Variants in EFNA5 observed in about 807,000 individuals in gnomAD.
EFNA5 encodes ephrin A5.
Under a neutral mutation model 22.9 loss-of-function variants are expected in EFNA5, and 5 were observed. That is an observed-to-expected ratio of 0.22 (90% CI 0.11 to 0.46). The LOEUF (loss-of-function observed/expected upper bound fraction) is 0.46. Among genes scored for constraint, EFNA5 ranks in the 20% least tolerant of loss-of-function variants. The probability of loss-of-function intolerance (pLI) is 0.99; values close to 1 mark genes in which losing one functional copy is unlikely to be tolerated. For synonymous variants in EFNA5, 113 were observed against 112.2 expected, an observed-to-expected ratio of 1.01 and a Z score of -0.04; for missense variants, 237 against 293.3, an observed-to-expected ratio of 0.81 and a Z score of 1.40.
At chr5:107,394,627 T>C (rs1747873632) in intron 2 of EFNA5, among the ~76,000 whole-genome samples, 1 of 152,136 alleles carries the variant, frequency 6.6e-6, no homozygotes, top group South Asian at 2.1e-4. Flanking sequence ...GCACCACCCA[T>C]CCTACCCACT....
intron 2 of EFNA5, among the ~76,000 whole-genome samples, chr5:107,406,127 GAATGTATACAAATACAT>G: frequency 7.1e-6 from 1 of 140,734 alleles, no homozygotes; most frequent in Non-Finnish European, 1.5e-5. Context: ...TATATACATA[GAATGTATACAAATACAT>G]GTATTTGTAT....
At chr5:107,590,670 G>C (rs1749303362) in intron 1 of EFNA5, among the ~76,000 whole-genome samples, 2 of 152,112 alleles carry the variant, frequency 1.3e-5, no homozygotes, top group South Asian at 4.1e-4. Flanking sequence ...TAGGATTACA[G>C]GAGTGAGCCA....
At chr5:107,592,021 ATATATAT>A (rs1261583318) in intron 1 of EFNA5, among the ~76,000 whole-genome samples, 1,718 of 50,614 alleles carry the variant, frequency 0.034, 138 homozygotes, top group Non-Finnish European at 0.044. Context: ...ATATAATATA[ATATATAT>A]TATATATTAT....
rs78787433 is a variant in EFNA5 at position 107,643,653 on chromosome 5, C to T, written c.125+26836G>A. Among the ~76,000 whole-genome samples, 684 of 149,976 alleles carry T rather than the reference C, an allele frequency of 4.6e-3. 5 individuals carry two copies. The highest frequency in any genetic ancestry group is 7.7e-3 in the Non-Finnish European group (523 of 67,704). The stretch of plus-strand genomic sequence containing the variant: ...GCCACTAAAAGATCTCCAGCTGGTA[C>T]CATTTATGAAGTAAGCTTGACGAGA... On this transcript the variant is annotated intron_variant, in intron 1 of 4. Coordinates refer to ENST00000333274, the MANE Select transcript of EFNA5 (RefSeq NM_001962.3).
intron 1 of EFNA5, among the ~76,000 whole-genome samples, chr5:107,658,856 C>T (rs894797804): frequency 2.6e-5 from 4 of 152,102 alleles, no homozygotes; most frequent in Admixed American, 2.6e-4. Flanking sequence ...GAAACAGTGA[C>T]CTAGAAATTA....
At chr5:107,511,623 A>G (rs1025622400) in intron 1 of EFNA5, among the ~76,000 whole-genome samples, 2 of 152,174 alleles carry the variant, frequency 1.3e-5, no homozygotes, top group African/African-American at 4.8e-5. Context: ...TTCCAACCTG[A>G]AGCTTTTTTA....
At chr5:107,475,690 G>T (rs1166651917) in intron 1 of EFNA5, among the ~76,000 whole-genome samples, 1 of 152,044 alleles carries the variant, frequency 6.6e-6, no homozygotes, top group African/African-American at 2.4e-5. Context: ...TTCTTACCCT[G>T]CATAAGACTT....
chr5:107,513,946 G>T (rs1209821983), intron 1 of EFNA5, among the ~76,000 whole-genome samples: 2 of 152,186 alleles, frequency 1.3e-5, no homozygotes, highest in African/African-American at 2.4e-5. Flanking sequence ...TCGCACAGGT[G>T]TTGGTGCTGG....
At chr5:107,480,804 A>C (rs1750437959) in intron 1 of EFNA5, among the ~76,000 whole-genome samples, 1 of 152,196 alleles carries the variant, frequency 6.6e-6, no homozygotes, top group South Asian at 2.1e-4. Flanking sequence ...ACTGGGAGTG[A>C]AGGCAAGTGG....
chr5:107,664,180 C>A (rs1751023603), intron 1 of EFNA5, among the ~76,000 whole-genome samples: 1 of 152,054 alleles, frequency 6.6e-6, no homozygotes, highest in Non-Finnish European at 1.5e-5. Context: ...TTTCAGTTTA[C>A]AATAAATCCT....
intron 1 of EFNA5, among the ~76,000 whole-genome samples, chr5:107,643,871 T>TTAACAATAATAA (rs774011307): frequency 3.4e-5 from 5 of 146,196 alleles, no homozygotes; most frequent in African/African-American, 1.3e-4. Context: ...TCTATTTTCT[T>TTAACAATAATAA]TAATAATAAT....
chr5:107,662,931 C>T (rs1231892096), intron 1 of EFNA5, among the ~76,000 whole-genome samples: 4 of 151,610 alleles, frequency 2.6e-5, no homozygotes, highest in Non-Finnish European at 5.9e-5. Flanking sequence ...GTATAAGCTT[C>T]GAGAAAAAAA....
intron 1 of EFNA5, among the ~76,000 whole-genome samples, chr5:107,585,226 TATC>T (rs1484936333): frequency 2.0e-5 from 3 of 152,318 alleles, no homozygotes; most frequent in African/African-American, 7.2e-5. Context: ...GCTTTTCACT[TATC>T]ATAAGAGTTA....
intron 1 of EFNA5, among the ~76,000 whole-genome samples, chr5:107,580,997 G>A (rs1387466644): frequency 6.6e-6 from 1 of 152,154 alleles, no homozygotes; most frequent in African/African-American, 2.4e-5. Flanking sequence ...GTAAATTTGT[G>A]CTTTGGATGA....
chr5:107,494,412 G>A (rs1746910788), intron 1 of EFNA5, among the ~76,000 whole-genome samples: 1 of 152,208 alleles, frequency 6.6e-6, no homozygotes, highest in African/African-American at 2.4e-5. Context: ...AGGGTGTACT[G>A]GGTGCCCCAG....
intron 1 of EFNA5, among the ~76,000 whole-genome samples, chr5:107,633,239 G>GA (rs1490028072): frequency 6.6e-6 from 1 of 152,178 alleles, no homozygotes; most frequent in East Asian, 1.9e-4. Flanking sequence ...AAAACATTAT[G>GA]AATGTGTTTT....
At position 107,478,194 on chromosome 5, in the gene EFNA5, A is replaced by G. The variant is rs537877910; in HGVS notation, c.126-50685T>C. On this transcript the variant is annotated intron_variant, in intron 1 of 4. Coordinates refer to ENST00000333274, the MANE Select transcript of EFNA5 (RefSeq NM_001962.3). ...CCCTGCTTCTCCTCCTGATCCAGCAATTAATATGCATATCAGGCACAGTGG... is the reference window on the plus strand; with the variant it reads ...CCCTGCTTCTCCTCCTGATCCAGCAGTTAATATGCATATCAGGCACAGTGG... Among the ~76,000 whole-genome samples the G allele has an allele frequency of 2.0e-5, 3 of 152,324 alleles. No homozygotes were observed. In the South Asian group the frequency reaches 6.2e-4, roughly 32 times the overall value.
chr5:107,649,132 A>C (rs1418252008), intron 1 of EFNA5, among the ~76,000 whole-genome samples: 1 of 152,132 alleles, frequency 6.6e-6, no homozygotes. Flanking sequence ...GGATCTTCTA[A>C]GTGAGATGCT....
intron 1 of EFNA5, among the ~76,000 whole-genome samples, chr5:107,497,864 TA>T (rs1229936629): frequency 6.6e-6 from 1 of 152,260 alleles, no homozygotes; most frequent in Non-Finnish European, 1.5e-5. Flanking sequence ...AGAGAAAAAC[TA>T]AAACATTTAA....
Sources: gnomAD v4.1 joint callset for allele counts (sites outside exome capture counted in the v4.1 genomes callset) on GRCh38, gnomAD v4.1.1 for gene constraint, MANE v1.5 for transcripts, NCBI Gene and HGNC (gene_info 2026-07-23, HGNC 2026-07-21) for gene names.